The following LINC00237 variants were observed in gnomAD, a reference collection of about 807,000 sequenced individuals.
LINC00237 encodes long intergenic non-protein coding RNA 237.
rs1363325607 is a variant in LINC00237, at chr20:21,101,829, C to T, written n.88+4442G>A. Reference sequence around the variant, plus strand: ...GGAGGTGGGAGTTGGAACACAGCCCCCTAGCTGAGTGCAGGGGCCAGAGGC... The same window carrying T: ...GGAGGTGGGAGTTGGAACACAGCCCTCTAGCTGAGTGCAGGGGCCAGAGGC... On this transcript the variant is annotated intron_variant and non_coding_transcript_variant, in intron 1 of 3. Transcript: ENST00000691244. The surrounding 1 kb of genome is among the most constrained non-coding windows in gnomAD (Gnocchi z 4.3). Among the ~76,000 whole-genome samples the T allele has an allele frequency of 6.6e-6, 1 of 152,074 alleles. No individual in the cohort carries two copies. The highest frequency in any genetic ancestry group is 1.5e-5 in the Non-Finnish European group (1 of 68,000).
chr20:21,106,345 A>T (rs1410284939), exon 1 of LINC00237: 2 of 152,246 alleles, frequency 1.3e-5, no homozygotes, highest in Admixed American at 1.3e-4. Context: ...CTCCGCGCGC[A>T]GCCCAGTCCG....
At chr20:21,094,905 G>T (rs1421389354) in intron 1 of LINC00237, among the ~76,000 whole-genome samples, 1 of 152,168 alleles carries the variant, frequency 6.6e-6, no homozygotes, top group Non-Finnish European at 1.5e-5. Flanking sequence ...CAAAAAATTA[G>T]CTGGGCATGG....
At chr20:21,103,262 T>C (rs1378174543) in intron 1 of LINC00237, among the ~76,000 whole-genome samples, 1 of 152,230 alleles carries the variant, frequency 6.6e-6, no homozygotes, top group Non-Finnish European at 1.5e-5. Context: ...CTCTAAGCGC[T>C]TCCTTGGGGT....
At chr20:21,100,540 T>C (rs1288955621) in intron 1 of LINC00237, among the ~76,000 whole-genome samples, 2 of 152,262 alleles carry the variant, frequency 1.3e-5, no homozygotes, top group Non-Finnish European at 2.9e-5. Flanking sequence ...ACTTATTTTT[T>C]AGGAGTTTTA....
chr20:21,106,064 A>C (rs2030995645), intron 1 of LINC00237, among the ~76,000 whole-genome samples: 1 of 152,210 alleles, frequency 6.6e-6, no homozygotes, highest in African/African-American at 2.4e-5. Flanking sequence ...GTGGCAGAGA[A>C]AAGAGGAATT....
chr20:21,088,194 A>C (rs1242692742), intron 2 of LINC00237, among the ~76,000 whole-genome samples: 1 of 152,160 alleles, frequency 6.6e-6, no homozygotes, highest in African/African-American at 2.4e-5. Flanking sequence ...AAACTGCCGC[A>C]GTCACTATAG....
chr20:21,102,693 T>TAAGAA (rs1434758991), intron 1 of LINC00237, among the ~76,000 whole-genome samples: 1 of 72,042 alleles, frequency 1.4e-5, no homozygotes, highest in East Asian at 3.6e-4. Flanking sequence ...TCCTATTTTA[T>TAAGAA]AAGAAAAAAA....
chr20:21,099,263 A>T (rs1169139158), intron 1 of LINC00237, among the ~76,000 whole-genome samples: 1 of 152,260 alleles, frequency 6.6e-6, no homozygotes, highest in Non-Finnish European at 1.5e-5. Context: ...GACAATATCC[A>T]GCCAAAATAA....
chr20:21,095,051 A>G (rs1401403269), intron 1 of LINC00237, among the ~76,000 whole-genome samples: 1 of 152,208 alleles, frequency 6.6e-6, no homozygotes, highest in Non-Finnish European at 1.5e-5. Context: ...CTCTGTCTCA[A>G]AAATAAATAA....
At chr20:21,098,225 A>T (rs2030885106) in intron 1 of LINC00237, among the ~76,000 whole-genome samples, 1 of 152,212 alleles carries the variant, frequency 6.6e-6, no homozygotes, top group African/African-American at 2.4e-5. Context: ...TTTTCAAATC[A>T]CTCTGCTGAC....
chr20:21,088,124 G>A (rs547189428), intron 2 of LINC00237: 1 of 152,336 alleles, frequency 6.6e-6, no homozygotes, highest in Non-Finnish European at 1.5e-5. Context: ...CTCCTTGAAA[G>A]TAGGAGTAGT....
intron 2 of LINC00237, among the ~76,000 whole-genome samples, chr20:21,090,876 A>G (rs2030782856): frequency 6.6e-6 from 1 of 152,180 alleles, no homozygotes; most frequent in Non-Finnish European, 1.5e-5. Flanking sequence ...CCGGAGATGC[A>G]TGACTACACT....
chr20:21,095,613 T>C (rs546089508), intron 1 of LINC00237, among the ~76,000 whole-genome samples: 88 of 152,282 alleles, frequency 5.8e-4, no homozygotes, highest in African/African-American at 1.9e-3. Flanking sequence ...GAGCAAGCAT[T>C]TCAGGTTAGC....
At chr20:21,090,647 C>T (rs1430201542) in intron 2 of LINC00237, 3 of 152,168 alleles carry the variant, frequency 2.0e-5, no homozygotes, top group African/African-American at 7.2e-5. Flanking sequence ...TTCTGACACT[C>T]GGAGCTTGCT....
intron 2 of LINC00237, among the ~76,000 whole-genome samples, chr20:21,091,869 A>C (rs752770660): frequency 3.3e-5 from 5 of 152,202 alleles, no homozygotes; most frequent in Non-Finnish European, 5.9e-5. Context: ...TGACATCTGT[A>C]TGCACATTCA....
At chr20:21,100,602 C>A (rs559046761) in intron 1 of LINC00237, among the ~76,000 whole-genome samples, 3 of 150,680 alleles carry the variant, frequency 2.0e-5, no homozygotes, top group African/African-American at 7.3e-5. Flanking sequence ...TTTTTTTTTT[C>A]TTTTTGTTCT....
At chr20:21,096,229 C>T (rs982402037) in intron 1 of LINC00237, among the ~76,000 whole-genome samples, 3 of 152,198 alleles carry the variant, frequency 2.0e-5, no homozygotes, top group Admixed American at 1.3e-4. Flanking sequence ...TCAAACAAAA[C>T]AGAAATTTAT....
chr20:21,086,524 C>T (rs563359257), intron 3 of LINC00237, among the ~76,000 whole-genome samples: 31 of 141,160 alleles, frequency 2.2e-4, no homozygotes, highest in East Asian at 1.0e-3. Context: ...TATATAGATA[C>T]ATATCTATAT....
intron 1 of LINC00237, among the ~76,000 whole-genome samples, chr20:21,102,619 G>A: frequency 6.7e-6 from 1 of 149,994 alleles, no homozygotes; most frequent in Non-Finnish European, 1.5e-5. Flanking sequence ...AATCGCCAAA[G>A]CCCTTGCCGT....
Sources: gnomAD v4.1 joint callset for allele counts (sites outside exome capture counted in the v4.1 genomes callset) on GRCh38, gnomAD v4.1.1 for gene constraint, Gnocchi (gnomAD v3.1) non-coding constraint, MANE v1.5 for transcripts, NCBI Gene and HGNC (gene_info 2026-07-23, HGNC 2026-07-21) for gene names.